Variants in ACAA1 observed in about 807,000 individuals in gnomAD.
The protein encoded by ACAA1 is acetyl-CoA acyltransferase 1.
In ACAA1, 44 loss-of-function variants were observed where a neutral mutation model predicts 48.8. That is an observed-to-expected ratio of 0.90 (90% confidence interval 0.71 to 1.16). The LOEUF (loss-of-function observed/expected upper bound fraction) is 1.16. ACAA1 is among the 50% of genes most tolerant of loss of function. ACAA1 has a pLI of 0.00. For synonymous variants in ACAA1, 233 were observed against 226.5 expected (o/e 1.03, Z -0.26); for missense variants, 512 against 562.3 (o/e 0.91, Z 0.90).
intron 7 of ACAA1, among the ~76,000 whole-genome samples, chr3:38,127,284 TC>T (rs1421587428): frequency 6.6e-6 from 1 of 152,192 alleles, no homozygotes; most frequent in Non-Finnish European, 1.5e-5. Context: ...TGGCTAAGAA[TC>T]ACTGCCTCAG....
intron 10 of ACAA1, 56 bp downstream of exon 10, chr3:38,125,770 G>A (rs146607820): frequency 3.8e-4 from 616 of 1,614,020 alleles, no homozygotes; most frequent in Non-Finnish European, 4.9e-4. Context: ...CCACCTGCCC[G>A]CTCACTCCAC....
chr3:38,125,459 T>C, intron 11 of ACAA1, 106 bp downstream of exon 11: 1 of 1,373,670 alleles, frequency 7.3e-7, no homozygotes, highest in Non-Finnish European at 9.9e-7. Context: ...CAGGACTGTG[T>C]CTGTCGAGAT....
chr3:38,130,011 G>A (rs1367992968), intron 5 of ACAA1, among the ~76,000 whole-genome samples: 1 of 152,218 alleles, frequency 6.6e-6, no homozygotes, highest in African/African-American at 2.4e-5. Context: ...CTGCACTCCA[G>A]CCTGGGCGAC....
At chr3:38,128,433 C>T (rs529889100) in intron 6 of ACAA1, among the ~76,000 whole-genome samples, 1 of 152,290 alleles carries the variant, frequency 6.6e-6, no homozygotes, top group East Asian at 1.9e-4. Flanking sequence ...TATAGGCTTC[C>T]CTTGGAGATA....
At chr3:38,134,069 G>A in intron 2 of ACAA1, 60 bp from the exon 3 acceptor site, 1 of 1,528,358 alleles carries the variant, frequency 6.5e-7, no homozygotes, top group Non-Finnish European at 8.9e-7. Context: ...CTAAAGTATA[G>A]CTGTGAAAAC....
At chr3:38,132,164 G>A (rs539131243) in intron 3 of ACAA1, 159 bp from the exon 4 acceptor site, 13 of 568,174 alleles carry the variant, frequency 2.3e-5, no homozygotes, top group African/African-American at 2.3e-4. Context: ...TCCATGGAAT[G>A]GGGGTGAGCA....
At chr3:38,128,806 TG>T (rs1177379034) in intron 6 of ACAA1, among the ~76,000 whole-genome samples, 2 of 152,162 alleles carry the variant, frequency 1.3e-5, no homozygotes, top group African/African-American at 4.8e-5. Flanking sequence ...TTAGCCAGGA[TG>T]GTCTCGATCT....
At chr3:38,135,851 T>C (rs1211893253) in intron 2 of ACAA1, among the ~76,000 whole-genome samples, 1 of 152,158 alleles carries the variant, frequency 6.6e-6, no homozygotes, top group Non-Finnish European at 1.5e-5. Context: ...CTTTTACTAA[T>C]ACTCCTCAGC....
At position 38,125,893 on chromosome 3, in the gene ACAA1, G is replaced by A. The variant is rs771522262; in HGVS notation, c.998-12C>T. 4 of 1,614,128 alleles carry A rather than the reference G, an allele frequency of 2.5e-6. 1 individual carries two copies. In the South Asian group the frequency reaches 4.4e-5, roughly 18 times the overall value. On this transcript the variant is annotated splice_polypyrimidine_tract_variant and intron_variant, in intron 9 of 11. Coordinates refer to ENST00000333167, the MANE Select transcript of ACAA1 (RefSeq NM_001607.4). ...ACTCACTGTCAGCCCTGCAGACAAG[G>A]TAAAGACCTGAGCTGACACACTGGC...
chr3:38,131,389 C>T (rs1049932368), intron 5 of ACAA1, among the ~76,000 whole-genome samples: 9 of 152,198 alleles, frequency 5.9e-5, no homozygotes, highest in Non-Finnish European at 1.2e-4. Flanking sequence ...CAATTCCCCT[C>T]CCCTGCTAGT....
Position 38,131,914 on chromosome 3 carries a change from G to T in ACAA1, c.403+12C>A, listed in dbSNP as rs775542395. ...GGTCCAGGACCAAGGCACCCACCCA[G>T]TCATAACTTACCTGCTATGCTGGCC... On this transcript the variant is annotated intron_variant, in intron 4 of 11. Transcript: ENST00000333167. 1.2e-6 allele frequency: 2 copies of T among 1,612,130 alleles called. No individual in the cohort carries two copies. The highest frequency in any genetic ancestry group is 1.7e-6 in the Non-Finnish European group (2 of 1,178,392).
chr3:38,136,541 CGAACGGAA>C (rs1403773543), intron 2 of ACAA1, 43 bp downstream of exon 2: 1 of 1,604,272 alleles, frequency 6.2e-7, no homozygotes, highest in South Asian at 1.1e-5. Context: ...GAGCTCTGGA[CGAACGGAA>C]GAACGGGGAA....
intron 2 of ACAA1, among the ~76,000 whole-genome samples, chr3:38,135,840 T>A (rs1188952459): frequency 6.6e-6 from 1 of 152,088 alleles, no homozygotes; most frequent in Non-Finnish European, 1.5e-5. Context: ...GAGGCCTTCC[T>A]CTTTTACTAA....
Position 38,132,130 on chromosome 3 carries a change from G to A in ACAA1, c.324-125C>T, listed in dbSNP as rs1262348260. 25 of 771,860 alleles carry A rather than the reference G, an allele frequency of 3.2e-5. 1 individual carries two copies. Among genetic ancestry groups the A allele is most frequent in the Non-Finnish European group, 4.9e-5 (23 of 472,956 alleles). 47.8% of individuals were successfully genotyped at this position (771,860 alleles called of 1,614,324 possible). ...AAAGGGCAGGGGAACAAACCCAGCAGCTCTGCTCCCATGCCAGGCCAGATC... is the reference window on the plus strand; with the variant it reads ...AAAGGGCAGGGGAACAAACCCAGCAACTCTGCTCCCATGCCAGGCCAGATC... On this transcript the variant is annotated intron_variant, in intron 3 of 11. Transcript: ENST00000333167.
intron 2 of ACAA1, among the ~76,000 whole-genome samples, chr3:38,134,854 C>T (rs974872092): frequency 1.3e-5 from 2 of 152,054 alleles, no homozygotes; most frequent in East Asian, 1.9e-4. Flanking sequence ...GATATGGCCT[C>T]GTGGGAAGGG....
chr3:38,131,495 G>T (rs1230627019), intron 5 of ACAA1, 101 bp downstream of exon 5: 4 of 1,286,732 alleles, frequency 3.1e-6, no homozygotes, highest in East Asian at 4.6e-5. Context: ...GCCTAAAGGG[G>T]ATGGGGGGAA....
chr3:38,128,442 T>C (rs1700722343), intron 6 of ACAA1, among the ~76,000 whole-genome samples: 1 of 152,164 alleles, frequency 6.6e-6, no homozygotes, highest in Non-Finnish European at 1.5e-5. Flanking sequence ...CCCTTGGAGA[T>C]ACAGTATGTG....
chr3:38,131,951 C>G lies in ACAA1; in HGVS notation c.378G>C (p.Gly126=), dbSNP rs1021816538. Residue 126 remains glycine (G), a synonymous_variant, in exon 4 of 12, where the codon GGG becomes GGC. Transcript: ENST00000333167. ...CTGCTATGCTGGCCACTGCCTGTAGCCCCGACGAACACTGTCTATTGACAG... is the reference window on the plus strand; with the variant it reads ...CTGCTATGCTGGCCACTGCCTGTAGGCCCGACGAACACTGTCTATTGACAG... ...LSTVNRQCSS[G]LQAVASIAGG... 22 of 1,613,948 alleles carry G rather than the reference C, an allele frequency of 1.4e-5. No homozygotes were observed. Among genetic ancestry groups the G allele is most frequent in the Admixed American group, 5.0e-5 (3 of 59,998 alleles).
Position 38,126,393 on chromosome 3 carries a change from C to G in ACAA1, c.818-52G>C, listed in dbSNP as rs763784098. The G allele has an allele frequency of 8.1e-6, 13 of 1,604,164 alleles. No homozygotes were observed. The highest frequency in any genetic ancestry group is 2.7e-5 in the African/African-American group (2 of 74,774). ...GGCATCGGGGTGGGGATGAGGAGAT[C>G]CCAGCCCTCCCACTTCTACTTTGCA... On this transcript the variant is annotated intron_variant, in intron 8 of 11. Coordinates refer to ENST00000333167, the MANE Select transcript of ACAA1 (RefSeq NM_001607.4). The surrounding 1 kb of genome is among the most constrained non-coding windows in gnomAD (Gnocchi z 4.7).
Sources: allele counts gnomAD v4.1 joint callset (sites outside exome capture counted in the v4.1 genomes callset), GRCh38; gene constraint gnomAD v4.1.1; non-coding constraint Gnocchi (gnomAD v3.1); transcripts MANE v1.5; gene names NCBI Gene and HGNC (gene_info 2026-07-23, HGNC 2026-07-21).